The following INSR variants were observed in gnomAD, a reference collection of about 807,000 sequenced individuals.
INSR encodes insulin receptor.
A neutral mutation model predicts 142.6 loss-of-function variants in INSR; 67 were observed. That is an observed-to-expected ratio of 0.47 (90% CI 0.39 to 0.58). The LOEUF (loss-of-function observed/expected upper bound fraction) is 0.58. Ranked by LOEUF, INSR falls within the 20% of genes least tolerant of loss-of-function variation. The pLI is 0.00. For synonymous variants in INSR, 756 were observed against 743.1 expected (o/e 1.02, Z -0.28); for missense variants, 1,248 against 1,833.2 (o/e 0.68, Z 5.83).
At position 7,141,778 on chromosome 19, in the gene INSR, T is replaced by C. The variant is rs1973075105; in HGVS notation, c.2581A>G (p.Ile861Val). ...DDIVGPVTHE[I>V]FENNVVHLMW... ...AAGTGGACGACGTTGTTCTCAAAGA[T>C]TTCATGCGTCACAGGGCCAACAATG... The change falls in exon 13 of 22, where the codon ATC (isoleucine) becomes GTC (valine). Residue 861 changes from isoleucine (I) to valine (V), a missense_variant. Physicochemically the swap from Ile to Val is conservative, Grantham distance 29 (BLOSUM62 3). This residue lies in a region of INSR where 1,069 missense variants were observed against 1,654.0 expected (regional missense o/e 0.65). Coordinates refer to ENST00000302850, the MANE Select transcript of INSR (RefSeq NM_000208.4). 1.9e-6 allele frequency: 3 copies of C among 1,614,182 alleles called. No individual in the cohort carries two copies. Among genetic ancestry groups the C allele is most frequent in the East Asian group, 4.5e-5 (2 of 44,870 alleles).
chr19:7,213,493 C>T (rs1403987770), intron 2 of INSR, among the ~76,000 whole-genome samples: 5 of 152,122 alleles, frequency 3.3e-5, no homozygotes, highest in Non-Finnish European at 5.9e-5. Context: ...TCTTGCAGGT[C>T]CTTTATTTAT....
At chr19:7,118,569 G>T (rs376153507) in intron 21 of INSR, among the ~76,000 whole-genome samples, 5 of 151,704 alleles carry the variant, frequency 3.3e-5, no homozygotes, top group African/African-American at 1.2e-4. Flanking sequence ...CGTTCACCTC[G>T]GTCTCCCAAA....
intron 13 of INSR, among the ~76,000 whole-genome samples, chr19:7,137,422 A>C (rs1972958298): frequency 6.6e-6 from 1 of 152,016 alleles, no homozygotes; most frequent in African/African-American, 2.4e-5. Flanking sequence ...CAAAGAAATG[A>C]GGTTTGGAAC....
intron 17 of INSR, 55 bp from the exon 18 acceptor site, chr19:7,123,044 G>C (rs959904325): frequency 7.6e-7 from 1 of 1,313,472 alleles, no homozygotes; most frequent in Non-Finnish European, 1.1e-6. Flanking sequence ...CGACTCACCA[G>C]GGTTCTCCTC....
In INSR at chr19:7,166,072, T is replaced by C; in HGVS notation, c.1861+82A>G. 1 of 1,546,174 alleles carries C rather than the reference T, an allele frequency of 6.5e-7. No homozygotes were observed. Among genetic ancestry groups the C allele is most frequent in the South Asian group, 1.1e-5 (1 of 88,900 alleles). On this transcript the variant is annotated intron_variant, in intron 8 of 21. Coordinates refer to ENST00000302850, the MANE Select transcript of INSR (RefSeq NM_000208.4). This position sits in a 1 kb window ranked among gnomAD's most constrained non-coding sequence, Gnocchi z 4.1. Reference sequence around the variant, plus strand: ...AGCCAATAACCATATCAAGGAGCATTTTATACAACCTCACTGCATCAGCCT... The same window carrying C: ...AGCCAATAACCATATCAAGGAGCATCTTATACAACCTCACTGCATCAGCCT...
chr19:7,218,181 A>G (rs1040540104), intron 2 of INSR, among the ~76,000 whole-genome samples: 1 of 151,932 alleles, frequency 6.6e-6, no homozygotes, highest in South Asian at 2.1e-4. Context: ...GTCACGTGGA[A>G]GTGTCTTGGA....
At chr19:7,133,124 C>T (rs1040791064) in intron 13 of INSR, among the ~76,000 whole-genome samples, 12 of 151,844 alleles carry the variant, frequency 7.9e-5, no homozygotes, top group Admixed American at 1.3e-4. Flanking sequence ...TAGCCGGGCA[C>T]GATGGTTCGC....
chr19:7,189,874 G>C (rs981945907), intron 2 of INSR, among the ~76,000 whole-genome samples: 1 of 151,976 alleles, frequency 6.6e-6, no homozygotes, highest in Non-Finnish European at 1.5e-5. Context: ...ATGTTGGCCA[G>C]TCTGGTCTTG....
intron 2 of INSR, among the ~76,000 whole-genome samples, chr19:7,253,272 T>C (rs10408759): frequency 0.38 from 57,389 of 151,500 alleles, 11,718 homozygotes; most frequent in African/African-American, 0.51. Flanking sequence ...AGGTTTTGCT[T>C]TTGTCACCCA....
intron 2 of INSR, among the ~76,000 whole-genome samples, chr19:7,235,288 C>A (rs1282995279): frequency 6.6e-6 from 1 of 152,146 alleles, no homozygotes; most frequent in Non-Finnish European, 1.5e-5. Flanking sequence ...CATTAGACCA[C>A]TGCTATGCTC....
intron 3 of INSR, among the ~76,000 whole-genome samples, chr19:7,182,989 A>C (rs1974315123): frequency 6.6e-6 from 1 of 151,960 alleles, no homozygotes; most frequent in African/African-American, 2.4e-5. Context: ...CAATAAAGCC[A>C]AAAGGTTTTT....
intron 16 of INSR, 95 bp downstream of exon 16, chr19:7,126,489 C>G: frequency 8.5e-7 from 1 of 1,171,386 alleles, no homozygotes; most frequent in Non-Finnish European, 1.2e-6. Flanking sequence ...CTTGGCCTCC[C>G]TGGGGAACCC....
intron 2 of INSR, among the ~76,000 whole-genome samples, chr19:7,202,873 T>C (rs1227430830): frequency 6.6e-6 from 1 of 152,192 alleles, no homozygotes; most frequent in African/African-American, 2.4e-5. Context: ...GGAGTCTCTC[T>C]TACATGCTTG....
At chr19:7,212,400 G>T (rs948588616) in intron 2 of INSR, among the ~76,000 whole-genome samples, 9 of 151,980 alleles carry the variant, frequency 5.9e-5, no homozygotes, top group African/African-American at 2.2e-4. Context: ...TGCGATTCCC[G>T]CTCAGCTCCC....
chr19:7,290,936 G>A (rs982287430), intron 1 of INSR, among the ~76,000 whole-genome samples: 8 of 151,990 alleles, frequency 5.3e-5, no homozygotes, highest in African/African-American at 1.9e-4. Flanking sequence ...CCGGTGTTGT[G>A]GAACACGCCT....
intron 13 of INSR, among the ~76,000 whole-genome samples, chr19:7,140,114 G>A (rs1973032479): frequency 6.6e-6 from 1 of 152,126 alleles, no homozygotes; most frequent in African/African-American, 2.4e-5. Flanking sequence ...TGGCCCACAA[G>A]CCACAATAAT....
chr19:7,269,671 A>G (rs1967857590), intron 1 of INSR, among the ~76,000 whole-genome samples: 2 of 149,458 alleles, frequency 1.3e-5, no homozygotes, highest in Admixed American at 1.3e-4. Flanking sequence ...ACATCCAGAG[A>G]TGTCAAAGAA....
At chr19:7,270,416 C>T (rs1321289605) in intron 1 of INSR, among the ~76,000 whole-genome samples, 1 of 151,620 alleles carries the variant, frequency 6.6e-6, no homozygotes, top group African/African-American at 2.4e-5. Flanking sequence ...CCATCCTCCC[C>T]AGGCTATGGC....
rs1973945038 is a variant in INSR at position 7,168,768 on chromosome 19, T to C, written c.1484-674A>G. Reference sequence around the variant, plus strand: ...CCCACCACCACGTCCAGCTAGTTTTTGTATTTTTTTTTTTTAGTAGAGATG... The same window carrying C: ...CCCACCACCACGTCCAGCTAGTTTTCGTATTTTTTTTTTTTAGTAGAGATG... On this transcript the variant is annotated intron_variant, in intron 6 of 21. Transcript: ENST00000302850. This position sits in a 1 kb window ranked among gnomAD's most constrained non-coding sequence, Gnocchi z 4.3. Among the ~76,000 whole-genome samples the C allele has an allele frequency of 7.3e-6, 1 of 137,408 alleles. No individual in the cohort carries two copies. Among genetic ancestry groups the C allele is most frequent in the African/African-American group, 3.2e-5 (1 of 30,858 alleles). The allele number at this position is 137,408 out of a possible 152,430, so 90.1% of individuals were successfully genotyped here. A position where few individuals can be genotyped will look rare whatever the true frequency, so the allele number is the denominator to read the frequency against.
Sources: allele counts gnomAD v4.1 joint callset (sites outside exome capture counted in the v4.1 genomes callset), GRCh38; gene constraint gnomAD v4.1.1; regional missense constraint gnomAD v4.1.1; non-coding constraint Gnocchi (gnomAD v3.1); transcripts MANE v1.5; gene names NCBI Gene and HGNC (gene_info 2026-07-23, HGNC 2026-07-21).